GRIP1: variants seen among roughly 807,000 people sequenced by gnomAD.
GRIP1 encodes glutamate receptor-interacting protein 1.
GRIP1 carries 45 observed loss-of-function variants against 129.9 expected under a neutral mutation model. The ratio of observed to expected loss-of-function variants is 0.35; its 90% CI spans 0.27 to 0.44. The LOEUF (loss-of-function observed/expected upper bound fraction) is 0.44, where lower values mean the gene tolerates loss of function less well. Among genes scored for constraint, GRIP1 ranks in the 20% least tolerant of loss-of-function variants. GRIP1 has a pLI of 1.00. For missense variants in GRIP1, 1,196 were observed against 1,396.8 expected (o/e 0.86, Z 2.29); for synonymous variants, 530 against 520.8 (o/e 1.02, Z -0.24).
At chr12:66,906,033 T>C (rs2040926336) in intron 1 of GRIP1, among the ~76,000 whole-genome samples, 1 of 152,160 alleles carries the variant, frequency 6.6e-6, no homozygotes, top group African/African-American at 2.4e-5. Flanking sequence ...AAAAAAAGGA[T>C]GCTCAATTGA....
At chr12:66,652,268 A>C (rs762558424) in intron 1 of GRIP1, among the ~76,000 whole-genome samples, 3 of 152,040 alleles carry the variant, frequency 2.0e-5, no homozygotes, top group Non-Finnish European at 4.4e-5. Flanking sequence ...GGTTTCCCCC[A>C]TGCTATTCTC....
chr12:66,973,809 C>T (rs2137586363), intron 1 of GRIP1, among the ~76,000 whole-genome samples: 1 of 152,098 alleles, frequency 6.6e-6, no homozygotes, highest in Non-Finnish European at 1.5e-5. Flanking sequence ...TTACTACCAT[C>T]CTAATGTAAT....
chr12:66,922,741 T>C (rs1392547821), intron 1 of GRIP1, among the ~76,000 whole-genome samples: 1 of 152,158 alleles, frequency 6.6e-6, no homozygotes, highest in Non-Finnish European at 1.5e-5. Flanking sequence ...TTCCCCCTTT[T>C]CTCCCTCTGG....
chr12:66,773,769 T>C (rs538787633), intron 1 of GRIP1, among the ~76,000 whole-genome samples: 1 of 152,316 alleles, frequency 6.6e-6, no homozygotes, highest in South Asian at 2.1e-4. Flanking sequence ...GGATGGGGGT[T>C]AACTGCTGTA....
At chr12:66,802,070 A>G (rs1312652702) in intron 1 of GRIP1, among the ~76,000 whole-genome samples, 1 of 152,122 alleles carries the variant, frequency 6.6e-6, no homozygotes, top group Non-Finnish European at 1.5e-5. Context: ...TCCCCTACCC[A>G]ATTCAGAGAA....
At chr12:66,805,200 T>C (rs1012157959), upstream of GRIP1, among the ~76,000 whole-genome samples, 1 of 152,178 alleles carries the variant, frequency 6.6e-6, no homozygotes, top group African/African-American at 2.4e-5. Flanking sequence ...AAACAAAACT[T>C]AATTCTTCTT....
intron 1 of GRIP1, among the ~76,000 whole-genome samples, chr12:66,717,233 G>A (rs538610121): frequency 6.6e-6 from 1 of 152,084 alleles, no homozygotes; most frequent in Non-Finnish European, 1.5e-5. Flanking sequence ...TGTAGACAGA[G>A]GGCAGTATGT....
At position 66,540,232 on chromosome 12, in the gene GRIP1, T is replaced by A. The variant is rs935591227; in HGVS notation, c.273-1009A>T. Among the ~76,000 whole-genome samples, 6 of 152,254 alleles carry A rather than the reference T, an allele frequency of 3.9e-5. 1 individual carries two copies. Among genetic ancestry groups the A allele is most frequent in the Admixed American group, 3.9e-4 (6 of 15,288 alleles). ...ATGCCTTATCTCCACTAATAGATTG[T>A]GAGCCCCTTTAGGGCAAGGATCTCA... is the stretch of plus-strand genomic sequence containing the variant. On this transcript the variant is annotated intron_variant, in intron 3 of 24. Coordinates refer to ENST00000359742, the MANE Select transcript of GRIP1 (RefSeq NM_001366722.1).
At chr12:66,446,809 T>C (rs2058643203) in intron 11 of GRIP1, among the ~76,000 whole-genome samples, 1 of 152,172 alleles carries the variant, frequency 6.6e-6, no homozygotes, top group Non-Finnish European at 1.5e-5. Context: ...TTCCACTCTC[T>C]GCCAGCAGAG....
chr12:66,964,694 C>T (rs955030883), intron 1 of GRIP1, among the ~76,000 whole-genome samples: 4 of 152,102 alleles, frequency 2.6e-5, no homozygotes, highest in East Asian at 1.9e-4. Flanking sequence ...ACACATACTC[C>T]GATTATGTGA....
intron 1 of GRIP1, among the ~76,000 whole-genome samples, chr12:66,956,644 A>C (rs1006788782): frequency 2.6e-5 from 4 of 152,166 alleles, no homozygotes; most frequent in Non-Finnish European, 5.9e-5. Context: ...GGCTATGTAC[A>C]TATCCCATTT....
chr12:66,583,058 G>T (rs1249905772), intron 2 of GRIP1, among the ~76,000 whole-genome samples: 164 of 151,320 alleles, frequency 1.1e-3, no homozygotes, highest in African/African-American at 3.9e-3. Flanking sequence ...CCAAAACAGA[G>T]ATATAGATCA....
intron 1 of GRIP1, among the ~76,000 whole-genome samples, chr12:66,735,980 T>C (rs1331294407): frequency 6.6e-6 from 1 of 151,956 alleles, no homozygotes. Flanking sequence ...GAGACACATA[T>C]GAGATGTGGC....
At chr12:66,516,838 T>C (rs1216605841) in intron 6 of GRIP1, among the ~76,000 whole-genome samples, 1 of 152,158 alleles carries the variant, frequency 6.6e-6, no homozygotes, top group African/African-American at 2.4e-5. Context: ...AAATATCACT[T>C]TCTTAAAAGT....
intron 2 of GRIP1, among the ~76,000 whole-genome samples, chr12:66,584,627 G>T (rs2139653128): frequency 6.6e-6 from 1 of 152,194 alleles, no homozygotes; most frequent in South Asian, 2.1e-4. Context: ...GAACCCAGTG[G>T]AATGGAATAT....
At chr12:66,451,397 T>G (rs575474523) in intron 11 of GRIP1, among the ~76,000 whole-genome samples, 16,064 of 88,222 alleles carry the variant, frequency 0.18, 2,765 homozygotes, top group Middle Eastern at 0.39. Context: ...TTTTTTTTTT[T>G]TTTTTTTTTT....
chr12:67,013,969 T>C (rs1489462264), intron 1 of GRIP1, among the ~76,000 whole-genome samples: 3 of 152,216 alleles, frequency 2.0e-5, no homozygotes, highest in African/African-American at 7.2e-5. Context: ...GGGACAAAGA[T>C]GCTCTCTTTT....
At chr12:66,864,963 T>C (rs1191073905) in intron 1 of GRIP1, among the ~76,000 whole-genome samples, 3 of 152,114 alleles carry the variant, frequency 2.0e-5, no homozygotes, top group Non-Finnish European at 4.4e-5. Flanking sequence ...AACTGAAAAA[T>C]TTAAATGTTC....
intron 4 of GRIP1, among the ~76,000 whole-genome samples, chr12:66,535,534 T>A (rs547570644): frequency 2.6e-5 from 4 of 152,304 alleles, no homozygotes; most frequent in Admixed American, 6.5e-5. Context: ...GATTAGAAAC[T>A]GAAGGCTCAG....
Sources: allele counts gnomAD v4.1 joint callset (sites outside exome capture counted in the v4.1 genomes callset), GRCh38; gene constraint gnomAD v4.1.1; transcripts MANE v1.5; gene names NCBI Gene and HGNC (gene_info 2026-07-23, HGNC 2026-07-21).